PCMT1: variants seen among roughly 807,000 people sequenced by gnomAD.
PCMT1 encodes the protein protein-L-isoaspartate (D-aspartate) O-methyltransferase.
A neutral mutation model predicts 29.2 loss-of-function variants in PCMT1; 9 were observed. That is an observed-to-expected ratio of 0.31 (90% CI 0.19 to 0.54). The LOEUF is 0.54. Ranked by LOEUF, PCMT1 falls within the 20% of genes least tolerant of loss-of-function variation. The probability of loss-of-function intolerance (pLI) is 0.95; values close to 1 mark genes in which losing one functional copy is unlikely to be tolerated. For missense variants in PCMT1, 184 were observed against 282.2 expected (o/e 0.65, Z 2.49); for synonymous variants, 98 against 97.5 (o/e 1.00, Z -0.03).
chr6:149,764,090 A>G (rs1217629382), intron 1 of PCMT1, among the ~76,000 whole-genome samples: 1 of 152,224 alleles, frequency 6.6e-6, no homozygotes, highest in Non-Finnish European at 1.5e-5. Flanking sequence ...GAGTCTATGA[A>G]TCACCCTCTG....
chr6:149,810,736 C>T lies in PCMT1; in HGVS notation c.*158C>T. Reference sequence around the variant, plus strand: ...ACAGCTTGTTTTGGACTTTGTTACACTGTTATTTTCAGCATGAAAATGTGT... The same window carrying T: ...ACAGCTTGTTTTGGACTTTGTTACATTGTTATTTTCAGCATGAAAATGTGT... On this transcript the variant is annotated 3_prime_UTR_variant, in exon 8 of 8. Coordinates refer to ENST00000464889, the MANE Select transcript of PCMT1 (RefSeq NM_001360452.2). 2 of 784,374 alleles carry T rather than the reference C, an allele frequency of 2.5e-6. No homozygotes were observed. The highest frequency in any genetic ancestry group is 1.8e-5 in the South Asian group (1 of 54,342). The allele number at this position is 784,374 out of a possible 1,614,324, so 48.6% of individuals were successfully genotyped here.
chr6:149,809,701 A>G (rs933055), intron 7 of PCMT1, among the ~76,000 whole-genome samples: 81,018 of 151,944 alleles, frequency 0.53, 24,807 homozygotes, highest in East Asian at 0.83. Context: ...TTTTATTGCC[A>G]ACAAGTTGCT....
intron 5 of PCMT1, 68 bp downstream of exon 5, chr6:149,793,737 A>C (rs1788481076): frequency 7.7e-7 from 1 of 1,305,698 alleles, no homozygotes; most frequent in Non-Finnish European, 1.0e-6. Context: ...AATGCAAGCT[A>C]AATAATACTC....
chr6:149,794,332 A>G (rs571374647), intron 5 of PCMT1, among the ~76,000 whole-genome samples: 141 of 152,228 alleles, frequency 9.3e-4, no homozygotes, highest in African/African-American at 3.3e-3. Flanking sequence ...TAAAAGATAA[A>G]ATATTGGCCA....
At chr6:149,794,931 C>T (rs558221063) in intron 5 of PCMT1, 30 of 450,510 alleles carry the variant, frequency 6.7e-5, no homozygotes, top group Non-Finnish European at 1.2e-4. Flanking sequence ...TGTGGTGGCT[C>T]ATGCCTGTAA....
intron 1 of PCMT1, among the ~76,000 whole-genome samples, chr6:149,750,762 G>C (rs1244558985): frequency 2.6e-5 from 4 of 152,182 alleles, no homozygotes; most frequent in South Asian, 4.1e-4. Context: ...TTCTTCTGAT[G>C]ATAATTTTAG....
intron 3 of PCMT1, among the ~76,000 whole-genome samples, chr6:149,780,483 C>T (rs945759691): frequency 1.3e-4 from 20 of 152,084 alleles, no homozygotes; most frequent in African/African-American, 4.1e-4. Flanking sequence ...AGAAAGAAAC[C>T]TTCCTTATAC....
At chr6:149,759,412 CT>C (rs1786653302) in intron 1 of PCMT1, among the ~76,000 whole-genome samples, 1 of 152,094 alleles carries the variant, frequency 6.6e-6, no homozygotes, top group Non-Finnish European at 1.5e-5. Flanking sequence ...GGTAATATTT[CT>C]TTTATTTAGA....
At chr6:149,750,047 C>G in intron 1 of PCMT1, 91 bp downstream of exon 1, 1 of 1,456,436 alleles carries the variant, frequency 6.9e-7, no homozygotes, top group Non-Finnish European at 9.1e-7. Context: ...TCTGTCTGTC[C>G]CCGCGCGCCT....
intron 5 of PCMT1, chr6:149,795,287 G>T: frequency 2.5e-6 from 1 of 402,154 alleles, no homozygotes; most frequent in Non-Finnish European, 4.8e-6. Context: ...AGCAGTCCTT[G>T]TTCTCCAAAA....
chr6:149,802,520 G>GT (rs1583059232), intron 7 of PCMT1, 104 bp downstream of exon 7: 27 of 1,300,332 alleles, frequency 2.1e-5, no homozygotes, highest in Non-Finnish European at 2.6e-5. Flanking sequence ...CATTAAAAAT[G>GT]TGAAAAATGT....
intron 1 of PCMT1, among the ~76,000 whole-genome samples, chr6:149,755,253 C>CA (rs1477120082): frequency 2.0e-5 from 3 of 151,988 alleles, no homozygotes; most frequent in Non-Finnish European, 4.4e-5. Flanking sequence ...ATTTTCTCTA[C>CA]AAAAAATAAA....
chr6:149,765,744 A>C, intron 1 of PCMT1: 2 of 339,070 alleles, frequency 5.9e-6, no homozygotes, highest in Non-Finnish European at 1.1e-5. Flanking sequence ...AGGAAGGTGG[A>C]TCACCTAAGG....
At chr6:149,788,489 A>T (rs1316378806) in intron 3 of PCMT1, among the ~76,000 whole-genome samples, 1 of 152,188 alleles carries the variant, frequency 6.6e-6, no homozygotes, top group African/African-American at 2.4e-5. Flanking sequence ...TTTTACGAAT[A>T]TGGGCCATTT....
rs1172461061 is a variant in PCMT1 at position 149,786,438 on chromosome 6, C to T, written c.193-3516C>T. ...GCTGACCCCCCACCTCCCTCCCGGA[C>T]GGGGTGGCTGCTGGGCGGAGACGCT... On this transcript the variant is annotated intron_variant, in intron 3 of 7. Transcript: ENST00000464889. 3.5e-5 allele frequency among the ~76,000 whole-genome samples: 5 copies of T among 140,974 alleles called. 2 individuals are homozygous for T. Among genetic ancestry groups the T allele is most frequent in the Admixed American group, 2.8e-4 (4 of 14,278 alleles). The allele number at this position is 140,974 out of a possible 152,430, so 92.5% of individuals were successfully genotyped here.
At chr6:149,768,345 G>A (rs1787175840) in intron 1 of PCMT1, among the ~76,000 whole-genome samples, 1 of 151,894 alleles carries the variant, frequency 6.6e-6, no homozygotes, top group Non-Finnish European at 1.5e-5. Flanking sequence ...TTTTGCCTTG[G>A]TCTCCCAAAG....
intron 3 of PCMT1, among the ~76,000 whole-genome samples, chr6:149,785,183 T>A (rs1787972763): frequency 6.8e-6 from 1 of 146,172 alleles, no homozygotes; most frequent in Admixed American, 6.9e-5. Flanking sequence ...CTTAAAACTT[T>A]TTTTTTCAGG....
chr6:149,758,691 G>T (rs1245083480), intron 1 of PCMT1, among the ~76,000 whole-genome samples: 1 of 152,044 alleles, frequency 6.6e-6, no homozygotes, highest in African/African-American at 2.4e-5. Context: ...TATCCTTTGA[G>T]AAATAACATC....
intron 7 of PCMT1, among the ~76,000 whole-genome samples, chr6:149,809,781 T>C (rs1776113361): frequency 6.6e-6 from 1 of 152,124 alleles, no homozygotes; most frequent in South Asian, 2.1e-4. Flanking sequence ...TCTACATTTC[T>C]TTCCCCTCTT....
Sources: gnomAD v4.1 joint callset for allele counts (sites outside exome capture counted in the v4.1 genomes callset) on GRCh38, gnomAD v4.1.1 for gene constraint, MANE v1.5 for transcripts, NCBI Gene and HGNC (gene_info 2026-07-23, HGNC 2026-07-21) for gene names.